PREX1: variants seen among roughly 807,000 people sequenced by gnomAD.
PREX1 encodes the protein phosphatidylinositol-3,4,5-trisphosphate dependent Rac exchange factor 1, also known as phosphatidylinositol 3,4,5-trisphosphate-dependent Rac exchanger 1 protein.
Under a neutral mutation model 198.3 loss-of-function variants are expected in PREX1, and 41 were observed. That is an observed-to-expected ratio of 0.21 (90% CI 0.16 to 0.27). The LOEUF (loss-of-function observed/expected upper bound fraction) is 0.27. PREX1 is among the 10% of genes least tolerant of loss of function. The pLI is 1.00. For synonymous variants in PREX1, 843 were observed against 887.2 expected (o/e 0.95, Z 0.89); for missense variants, 1,620 against 2,200.7 (o/e 0.74, Z 5.28).
Position 48,695,977 on chromosome 20 carries a change from G to A in PREX1, c.918-3187C>T, listed in dbSNP as rs2089843105. On this transcript the variant is annotated intron_variant, in intron 7 of 39. Coordinates refer to ENST00000371941, the MANE Select transcript of PREX1 (RefSeq NM_020820.4). ...AGGCACAGGGCCAAGTCTGGCTACA[G>A]AAGGGCCTCTTCATATATTCTGGAT... Among the ~76,000 whole-genome samples the A allele has an allele frequency of 1.3e-5, 2 of 152,248 alleles. 1 individual carries two copies. The highest frequency in any genetic ancestry group is 1.3e-4 in the Admixed American group (2 of 15,292).
intron 20 of PREX1, among the ~76,000 whole-genome samples, chr20:48,652,973 C>T (rs954602887): frequency 2.0e-5 from 3 of 152,328 alleles, no homozygotes; most frequent in Middle Eastern, 3.4e-3. Flanking sequence ...GCCCAACACA[C>T]ACACACTGAG....
intron 3 of PREX1, among the ~76,000 whole-genome samples, chr20:48,737,409 G>A (rs1328016254): frequency 6.6e-6 from 1 of 152,092 alleles, no homozygotes; most frequent in Admixed American, 6.5e-5. Flanking sequence ...GGGACTGTCA[G>A]CTCCATCGGG....
At chr20:48,732,851 C>T (rs1442445532) in intron 4 of PREX1, among the ~76,000 whole-genome samples, 1 of 152,106 alleles carries the variant, frequency 6.6e-6, no homozygotes, top group Non-Finnish European at 1.5e-5. Flanking sequence ...GAAGGGTATG[C>T]TCTCCTTCCC....
chr20:48,802,148 C>T (rs549156192), intron 1 of PREX1, among the ~76,000 whole-genome samples: 37 of 152,262 alleles, frequency 2.4e-4, no homozygotes, highest in African/African-American at 8.4e-4. Context: ...TCCCCACCCC[C>T]GCCAAACCAT....
At chr20:48,704,001 G>A (rs182405335) in intron 6 of PREX1, among the ~76,000 whole-genome samples, 9 of 152,294 alleles carry the variant, frequency 5.9e-5, no homozygotes, top group East Asian at 5.8e-4. Context: ...ACTCAGCCAC[G>A]CTGGAGATGA....
chr20:48,844,677 G>A, the PREX1 span, among the ~76,000 whole-genome samples: 4 of 152,126 alleles, frequency 2.6e-5, no homozygotes, highest in African/African-American at 9.7e-5. Flanking sequence ...TTGGACCCAC[G>A]AACGGAGACC....
At chr20:48,653,974 T>G (rs2089522508) in intron 19 of PREX1, among the ~76,000 whole-genome samples, 2 of 152,026 alleles carry the variant, frequency 1.3e-5, no homozygotes, top group Admixed American at 1.3e-4. Flanking sequence ...GAACCCAGGG[T>G]TTTTTTTGTA....
At chr20:48,710,246 A>C (rs1468606295) in intron 5 of PREX1, among the ~76,000 whole-genome samples, 1 of 152,242 alleles carries the variant, frequency 6.6e-6, no homozygotes, top group Non-Finnish European at 1.5e-5. Context: ...AGCTCTGCTA[A>C]TGCGGAGTGT....
intron 1 of PREX1, among the ~76,000 whole-genome samples, chr20:48,769,506 A>T (rs2090225197): frequency 6.6e-6 from 1 of 152,084 alleles, no homozygotes; most frequent in Non-Finnish European, 1.5e-5. Flanking sequence ...TTCTGCTTAA[A>T]ATCCTCCAAC....
At chr20:48,870,672 G>T in the PREX1 span, among the ~76,000 whole-genome samples, 1 of 152,160 alleles carries the variant, frequency 6.6e-6, no homozygotes, top group African/African-American at 2.4e-5. Context: ...TTTAGGCAGG[G>T]CACAGTGGCT....
At chr20:48,782,934 T>C (rs1489015183) in intron 1 of PREX1, among the ~76,000 whole-genome samples, 1 of 152,074 alleles carries the variant, frequency 6.6e-6, no homozygotes, top group Non-Finnish European at 1.5e-5. Context: ...CAAAAAGGAC[T>C]GTAGGAGGTG....
chr20:48,749,016 A>G lies in PREX1; in HGVS notation c.220-1136T>C, dbSNP rs578179181. ...CAAGAGATGACGGTGGCCTGGCACC[A>G]GGTGGTGTGGGTAGAAAAGTGGCAG... is the stretch of plus-strand genomic sequence containing the variant. On this transcript the variant is annotated intron_variant, in intron 1 of 39. Transcript: ENST00000371941. Among the ~76,000 whole-genome samples, 70 of 152,252 alleles carry G rather than the reference A, an allele frequency of 4.6e-4. 1 individual carries two copies. In the South Asian group the frequency reaches 0.015, roughly 32 times the overall value.
chr20:48,839,892 T>G, the PREX1 span, among the ~76,000 whole-genome samples: 3 of 152,258 alleles, frequency 2.0e-5, no homozygotes. Context: ...AATGTCTCCC[T>G]GGAGGAGAGC....
At chr20:48,655,477 T>A in intron 18 of PREX1, 102 bp from the exon 19 acceptor site, 1 of 1,063,296 alleles carries the variant, frequency 9.4e-7, no homozygotes, top group Non-Finnish European at 1.3e-6. Flanking sequence ...TTGGAAACAC[T>A]GGGAAAATTC....
At chr20:48,747,957 A>G (rs1009809526) in intron 1 of PREX1, 77 bp from the exon 2 acceptor site, 4 of 1,339,348 alleles carry the variant, frequency 3.0e-6, no homozygotes. Flanking sequence ...AAGGCTCTCA[A>G]GTTCAAATGC....
chr20:48,626,363 C>T lies in PREX1; in HGVS notation c.4938-436G>A, dbSNP rs987957875. 1.2e-4 allele frequency among the ~76,000 whole-genome samples: 19 copies of T among 152,230 alleles called. 1 individual carries two copies. Among genetic ancestry groups the T allele is most frequent in the Admixed American group, 1.0e-3 (16 of 15,282 alleles). ...CCAGGGCAAGCAGACTGCAATGCTG[C>T]ACATGTGGTCTGATGTGGTCAGCGC... On this transcript the variant is annotated intron_variant, in intron 39 of 39. Coordinates refer to ENST00000371941, the MANE Select transcript of PREX1 (RefSeq NM_020820.4).
chr20:48,819,654 G>A (rs2090475046), intron 1 of PREX1, among the ~76,000 whole-genome samples: 1 of 152,154 alleles, frequency 6.6e-6, no homozygotes, highest in Non-Finnish European at 1.5e-5. Context: ...AGAAGCATGT[G>A]GCACAGTACC....
At chr20:48,635,943 C>T (rs1160504199) in intron 32 of PREX1, among the ~76,000 whole-genome samples, 1 of 152,212 alleles carries the variant, frequency 6.6e-6, no homozygotes. Context: ...CTGTGCCAGG[C>T]AGGCGTCTTG....
In PREX1 at chr20:48,688,732, A is replaced by G. The variant is rs200673300; in HGVS notation, c.1259T>C (p.Met420Thr). The G allele has an allele frequency of 1.2e-6, 2 of 1,614,176 alleles. No homozygotes were observed. Among genetic ancestry groups the G allele is most frequent in the East Asian group, 2.2e-5 (1 of 44,878 alleles). Residue 420 changes from methionine (M) to threonine (T), a missense_variant, in exon 10 of 40, where the codon ATG (methionine) becomes ACG (threonine). Physicochemically the swap from Met to Thr is moderately conservative, Grantham distance 81. Around this residue, in one of 7 missense-constraint regions of PREX1, gnomAD observed 488 missense variants for 802.5 expected, o/e 0.61. Transcript: ENST00000371941. ...AEKGEKLYHMMMNKKVNLIKD... is the reference protein window; with the variant it reads ...AEKGEKLYHMTMNKKVNLIKD... ...GATGAGGTTCACCTTCTTGTTCATC[A>G]TCATGTGGTACAGCTTCTCCCCCTT...
Sources: gnomAD v4.1 joint callset for allele counts (sites outside exome capture counted in the v4.1 genomes callset) on GRCh38, gnomAD v4.1.1 for gene constraint, gnomAD v4.1.1 regional missense constraint, MANE v1.5 for transcripts, NCBI Gene and HGNC (gene_info 2026-07-23, HGNC 2026-07-21) for gene names.